The following MYO1A variants were observed in gnomAD, a reference collection of about 807,000 sequenced individuals.
MYO1A encodes unconventional myosin-Ia.
MYO1A carries 127 observed loss-of-function variants against 138.5 expected under a neutral mutation model. The observed-to-expected ratio is 0.92, with a 90% CI of 0.79 to 1.06. The LOEUF (loss-of-function observed/expected upper bound fraction) is 1.06, where lower values mean the gene tolerates loss of function less well. Ranked by LOEUF, MYO1A falls within the 50% of genes least tolerant of loss-of-function variation. MYO1A has a pLI of 0.00. For missense variants in MYO1A, 1,211 were observed against 1,288.8 expected (o/e 0.94, Z 0.92); for synonymous variants, 477 against 497.5 (o/e 0.96, Z 0.55).
Position 57,041,233 on chromosome 12 carries a change from A to G in MYO1A, c.1220T>C (p.Val407Ala). ...TTCTTTCAGGGTCATCTCTATGAAC[A>G]CCTGCTGCAGCTTCTCATTGCAGTA... ...INYCNEKLQQ[V>A]FIEMTLKEEQ... Residue 407 changes from valine (V) to alanine (A), a missense_variant, in exon 14 of 28, where the codon GTG (valine) becomes GCG (alanine). Val to Ala is a moderately conservative substitution (Grantham distance 64). Coordinates refer to ENST00000300119, the MANE Select transcript of MYO1A (RefSeq NM_005379.4). 6.2e-7 allele frequency: 1 copy of G among 1,614,020 alleles called. No homozygotes were observed. The highest frequency in any genetic ancestry group is 8.5e-7 in the Non-Finnish European group (1 of 1,180,030).
Position 57,039,066 on chromosome 12 carries a change from G to A in MYO1A, c.1333-57C>T, listed in dbSNP as rs745640602. The A allele has an allele frequency of 3.7e-5, 58 of 1,581,328 alleles. 1 individual carries two copies. The Middle Eastern group carries it at 1.0e-3, about 27-fold the overall frequency. ...AAATCTGGTCCTCCGAGATGTCCACGTTCTCATTGCTGCCCCCTTTCTCCA... is the reference window on the plus strand; with the variant it reads ...AAATCTGGTCCTCCGAGATGTCCACATTCTCATTGCTGCCCCCTTTCTCCA... On this transcript the variant is annotated intron_variant, in intron 15 of 27. Transcript: ENST00000300119.
At position 57,038,720 on chromosome 12, in the gene MYO1A, C is replaced by G. The variant is rs2030710022; in HGVS notation, c.1534-82G>C. The G allele has an allele frequency of 1.1e-5, 18 of 1,608,512 alleles. No individual in the cohort carries two copies. In the East Asian group the frequency reaches 3.8e-4, roughly 34 times the overall value. ...CCTCCCAGTCTCATTGTGAAGTATT[C>G]CAGACTCTCACCTTCCCCGGGTTCC... On this transcript the variant is annotated intron_variant, in intron 16 of 27. Transcript: ENST00000300119.
chr12:57,036,888 C>T, intron 20 of MYO1A, 48 bp from the exon 21 acceptor site: 3 of 1,614,176 alleles, frequency 1.9e-6, no homozygotes, highest in Non-Finnish European at 2.5e-6. Context: ...TCCTGAGCCA[C>T]CTTCCATCTT....
chr12:57,037,690 G>T, intron 18 of MYO1A, 49 bp from the exon 19 acceptor site: 1 of 1,572,014 alleles, frequency 6.4e-7, no homozygotes, highest in Non-Finnish European at 8.8e-7. Context: ...TCAGGAGAAA[G>T]TCCTCTTCCA....
At chr12:57,029,003 G>A in intron 27 of MYO1A, 122 bp from the exon 28 acceptor site, 1 of 1,594,424 alleles carries the variant, frequency 6.3e-7, no homozygotes, top group South Asian at 1.1e-5. Flanking sequence ...CCTGGGTGGG[G>A]GCCTGAGAAA....
At position 57,030,303 on chromosome 12, in the gene MYO1A, C is replaced by G. The variant is rs200633451; in HGVS notation, c.2498G>C (p.Arg833Pro). 8.5e-5 allele frequency: 136 copies of G among 1,605,188 alleles called. No individual in the cohort carries two copies. Among genetic ancestry groups the G allele is most frequent in the Admixed American group, 2.0e-4 (12 of 59,704 alleles). The change falls in exon 24 of 28, where the codon CGG becomes CCG. Residue 833 changes from arginine (R) to proline (P), a missense_variant. Transcript: ENST00000300119. ...LFYQWKCKRF[R>P]DQLSPKQVEI... ...TACCTGCTTCGGGGACAGCTGATCCCGGAACCTCTTGCACTGTGAGGAAGG... is the reference window on the plus strand; with the variant it reads ...TACCTGCTTCGGGGACAGCTGATCCGGGAACCTCTTGCACTGTGAGGAAGG...
In MYO1A at chr12:57,037,916, GTACCTTT is replaced by G; in HGVS notation, c.1907_1913del (p.Glu636AlafsTer4). The G allele has an allele frequency of 6.2e-7, 1 of 1,614,142 alleles. No homozygotes were observed. On this transcript the variant is annotated frameshift_variant, in exon 18 of 28. Coordinates refer to ENST00000300119, the MANE Select transcript of MYO1A (RefSeq NM_005379.4). LOFTEE classifies it high-confidence loss of function. ...GCCAGGTGCTCCGGCTCAGCAATCG[GTACCTTT>G]CCAGGAAGGGCCCATAACCCTGGCG...
Position 57,046,617 on chromosome 12 carries a change from A to G in MYO1A, c.575T>C (p.Leu192Pro). The G allele has an allele frequency of 6.2e-7, 1 of 1,614,026 alleles. No homozygotes were observed. Among genetic ancestry groups the G allele is most frequent in the Non-Finnish European group, 8.5e-7 (1 of 1,179,982 alleles). Residue 192 changes from leucine (L) to proline (P), a missense_variant, in exon 8 of 28, where the codon CTC becomes CCC. Transcript: ENST00000300119. ...LLEKSRLVKQ[L>P]KGERNFHIFY... ...GATGTGGAAGTTCCTTTCTCCTTTG[A>G]GCTGCTTCACTAATCGGGATTTCTC...
Position 57,046,539 on chromosome 12 carries a change from T to C in MYO1A, c.640+13A>G, listed in dbSNP as rs1471846135. On this transcript the variant is annotated intron_variant, in intron 8 of 27. Transcript: ENST00000300119. The stretch of plus-strand genomic sequence containing the variant: ...GTCACTCATGAGGACACTTTCCCCA[T>C]GCAGGCACATACTCAGCAGCTGTTC... 2.5e-6 allele frequency: 4 copies of C among 1,607,692 alleles called. No homozygotes were observed. Among genetic ancestry groups the C allele is most frequent in the Admixed American group, 1.7e-5 (1 of 59,978 alleles).
Position 57,045,693 on chromosome 12 carries a change from C to T in MYO1A, c.640+859G>A, listed in dbSNP as rs144492312. Among the ~76,000 whole-genome samples the T allele has an allele frequency of 5.0e-3, 755 of 152,326 alleles. 9 individuals are homozygous for T. The highest frequency in any genetic ancestry group is 0.017 in the African/African-American group (726 of 41,574). On this transcript the variant is annotated intron_variant, in intron 8 of 27. Transcript: ENST00000300119. ...GACATTCTTAGGGGCCAGACACCCA[C>T]GGTGCTCACAGCCAGAGAGGAGATT...
At chr12:57,039,032 G>A (rs2030737189) in intron 15 of MYO1A, 23 bp from the exon 16 acceptor site, 2 of 1,608,188 alleles carry the variant, frequency 1.2e-6, no homozygotes, top group East Asian at 2.2e-5. Flanking sequence ...AACAAAAGAA[G>A]CCCAACCTAA....
At chr12:57,031,201 G>C in intron 22 of MYO1A, 27 bp from the exon 23 acceptor site, 1 of 1,614,050 alleles carries the variant, frequency 6.2e-7, no homozygotes, top group East Asian at 2.2e-5. Flanking sequence ...GGGATTGGGA[G>C]TGGAGTGATA....
chr12:57,047,288 G>C lies in MYO1A; in HGVS notation c.430+15C>G. 6.2e-7 allele frequency: 1 copy of C among 1,607,840 alleles called. No individual in the cohort carries two copies. The highest frequency in any genetic ancestry group is 1.7e-5 in the Admixed American group (1 of 60,016). On this transcript the variant is annotated intron_variant, in intron 5 of 27. Transcript: ENST00000300119. The stretch of plus-strand genomic sequence containing the variant: ...TTAGATGGAGGGTGGAGAGGGCAGA[G>C]AGCAGAATTCTCACCCTCCAGCACT...
At chr12:57,047,206 A>G in intron 5 of MYO1A, 97 bp downstream of exon 5, 2 of 1,585,196 alleles carry the variant, frequency 1.3e-6, no homozygotes, top group Non-Finnish European at 1.7e-6. Flanking sequence ...GGGTCGAACA[A>G]GAGAGGTGAT....
intron 13 of MYO1A, 22 bp downstream of exon 13, chr12:57,041,410 T>G (rs762206254): frequency 6.2e-7 from 1 of 1,606,340 alleles, no homozygotes; most frequent in South Asian, 1.1e-5. Context: ...GGGAGCAGGG[T>G]GCTGAGGTGA....
At position 57,030,101 on chromosome 12, in the gene MYO1A, G is replaced by T. The variant is rs533045630; in HGVS notation, c.2591+109C>A. On this transcript the variant is annotated intron_variant, in intron 24 of 27. Transcript: ENST00000300119. The stretch of plus-strand genomic sequence containing the variant: ...CTGCTGGATCAGAGACTCTGAGGAG[G>T]GACACAGCACCTGGGGGTGACAATC... 175 of 1,257,096 alleles carry T rather than the reference G, an allele frequency of 1.4e-4. No homozygotes were observed. In the African/African-American group the frequency reaches 2.1e-3, roughly 15 times the overall value. 77.9% of individuals were successfully genotyped at this position (1,257,096 alleles called of 1,614,324 possible).
At chr12:57,030,910 TTGTA>T in intron 23 of MYO1A, 126 bp downstream of exon 23, 1 of 1,112,180 alleles carries the variant, frequency 9.0e-7, no homozygotes, top group Non-Finnish European at 1.3e-6. Flanking sequence ...AAATGGTAGA[TTGTA>T]TGTTATGTAT....
At chr12:57,031,197 G>C (rs2030268221) in intron 22 of MYO1A, 23 bp from the exon 23 acceptor site, 1 of 1,613,934 alleles carries the variant, frequency 6.2e-7, no homozygotes, top group Non-Finnish European at 8.5e-7. Flanking sequence ...CAGGGGGATT[G>C]GGAGTGGAGT....
intron 14 of MYO1A, among the ~76,000 whole-genome samples, chr12:57,040,257 A>C (rs1197587805): frequency 6.6e-6 from 1 of 152,278 alleles, no homozygotes; most frequent in Non-Finnish European, 1.5e-5. Context: ...GCATCCTTAC[A>C]TACTGACATG....
Sources: gnomAD v4.1 joint callset for allele counts (sites outside exome capture counted in the v4.1 genomes callset) on GRCh38, gnomAD v4.1.1 for gene constraint, MANE v1.5 for transcripts, NCBI Gene and HGNC (gene_info 2026-07-23, HGNC 2026-07-21) for gene names.